Variants in PTCHD4 observed in about 807,000 individuals in gnomAD.
The protein encoded by PTCHD4 is patched domain containing 4.
A neutral mutation model predicts 58.1 loss-of-function variants in PTCHD4; 33 were observed. The observed-to-expected ratio is 0.57, with a 90% confidence interval of 0.43 to 0.76. The LOEUF is 0.76. PTCHD4 is among the 30% of genes least tolerant of loss of function. The pLI, the probability that PTCHD4 is intolerant of heterozygous loss-of-function variation, is 0.00. For synonymous variants in PTCHD4, 478 were observed against 409.6 expected, an observed-to-expected ratio of 1.17 and a Z score of -2.02; for missense variants, 1,058 against 1,027.1, an observed-to-expected ratio of 1.03 and a Z score of -0.41.
At chr6:48,093,172 C>G (rs969164845) in intron 1 of PTCHD4, among the ~76,000 whole-genome samples, 4 of 152,118 alleles carry the variant, frequency 2.6e-5, no homozygotes, top group East Asian at 1.9e-4. Context: ...AGGATTCCTG[C>G]AAGGCACATA....
At chr6:47,921,406 A>G (rs951010182) in intron 4 of PTCHD4, among the ~76,000 whole-genome samples, 2 of 152,062 alleles carry the variant, frequency 1.3e-5, no homozygotes, top group Admixed American at 6.6e-5. Flanking sequence ...TCTATTAAAG[A>G]CTATTAATCT....
intron 3 of PTCHD4, among the ~76,000 whole-genome samples, chr6:48,043,035 G>C (rs960674798): frequency 6.6e-6 from 1 of 151,890 alleles, no homozygotes; most frequent in African/African-American, 2.4e-5. Flanking sequence ...ATTCTGTACA[G>C]AACAGAGAGA....
At position 48,098,345 on chromosome 6, in the gene PTCHD4, T is replaced by TTCTTCTTCTTCTTC. The variant is rs1309210161; in HGVS notation, c.-970+12703_-970+12704insGAAGAAGAAGAAGA. 3.2e-3 allele frequency among the ~76,000 whole-genome samples: 432 copies of TTCTTCTTCTTCTTC among 134,552 alleles called. 5 individuals carry two copies. Among genetic ancestry groups the TTCTTCTTCTTCTTC allele is most frequent in the African/African-American group, 0.012 (407 of 34,366 alleles). 88.3% of individuals were successfully genotyped at this position (134,552 alleles called of 152,430 possible). ...TCTTCTTCTTCTTCTTCTTCTTCTT[T>TTCTTCTTCTTCTTC]TTTTTTTTTTTGAGAGAGAGTCTCG... On this transcript the variant is annotated intron_variant, in intron 1 of 4. Coordinates refer to ENST00000339488, the MANE Select transcript of PTCHD4 (RefSeq NM_001384253.1).
chr6:47,949,139 C>T (rs116661992), intron 4 of PTCHD4, among the ~76,000 whole-genome samples: 1,562 of 152,212 alleles, frequency 0.01, 36 homozygotes, highest in African/African-American at 0.036. Flanking sequence ...GTCAAAGTGA[C>T]GGGGATGGAT....
intron 4 of PTCHD4, among the ~76,000 whole-genome samples, chr6:47,921,074 CAACTGGCT>C (rs1042990998): frequency 2.0e-4 from 30 of 151,990 alleles, no homozygotes; most frequent in Non-Finnish European, 5.9e-5. Flanking sequence ...AAAAGCAAAA[CAACTGGCT>C]AACATTTAAA....
intron 3 of PTCHD4, among the ~76,000 whole-genome samples, chr6:48,026,360 C>A (rs1763246753): frequency 2.0e-5 from 3 of 152,148 alleles, no homozygotes; most frequent in African/African-American, 7.2e-5. Flanking sequence ...TATGTTTTGC[C>A]AGCTTTGTCC....
intron 1 of PTCHD4, among the ~76,000 whole-genome samples, chr6:48,078,805 C>T (rs1765107985): frequency 6.6e-6 from 1 of 152,082 alleles, no homozygotes; most frequent in Non-Finnish European, 1.5e-5. Flanking sequence ...ATATATTTCT[C>T]TCTTAATGTT....
At chr6:47,883,634 T>C (rs1764090184) in intron 4 of PTCHD4, among the ~76,000 whole-genome samples, 1 of 152,158 alleles carries the variant, frequency 6.6e-6, no homozygotes, top group Admixed American at 6.6e-5. Context: ...AAAAGTTTAA[T>C]AAAAGTTTTA....
intron 4 of PTCHD4, among the ~76,000 whole-genome samples, chr6:48,000,942 G>C (rs933501432): frequency 9.2e-5 from 14 of 152,114 alleles, no homozygotes; most frequent in Non-Finnish European, 1.9e-4. Context: ...AAAATCACAA[G>C]CATTCTTATA....
chr6:47,988,227 T>C (rs1768148860), intron 4 of PTCHD4, among the ~76,000 whole-genome samples: 1 of 152,218 alleles, frequency 6.6e-6, no homozygotes, highest in Non-Finnish European at 1.5e-5. Flanking sequence ...TGACTAGATT[T>C]GAAATGTTTT....
At chr6:48,022,787 T>C (rs978866259) in intron 3 of PTCHD4, among the ~76,000 whole-genome samples, 1 of 152,150 alleles carries the variant, frequency 6.6e-6, no homozygotes, top group Non-Finnish European at 1.5e-5. Context: ...ATTTGTAAGG[T>C]ACCTGAATGA....
chr6:48,071,175 A>G (rs1764968563), intron 1 of PTCHD4, among the ~76,000 whole-genome samples: 1 of 152,204 alleles, frequency 6.6e-6, no homozygotes, highest in Non-Finnish European at 1.5e-5. Context: ...CACAACAAAC[A>G]AATATGTCAG....
intron 3 of PTCHD4, among the ~76,000 whole-genome samples, chr6:48,047,951 C>T (rs1582075109): frequency 1.4e-5 from 2 of 146,582 alleles, no homozygotes; most frequent in East Asian, 2.0e-4. Flanking sequence ...TGTAATAGTA[C>T]ACATAAGAAT....
chr6:48,100,744 C>T (rs983802087), intron 1 of PTCHD4, among the ~76,000 whole-genome samples: 5 of 152,200 alleles, frequency 3.3e-5, no homozygotes, highest in African/African-American at 1.2e-4. Flanking sequence ...ACTTTCCTCT[C>T]ATTGTTCTGT....
intron 4 of PTCHD4, among the ~76,000 whole-genome samples, chr6:47,914,735 A>G (rs1157894331): frequency 1.8e-4 from 23 of 128,770 alleles, no homozygotes; most frequent in South Asian, 9.7e-4. Flanking sequence ...TCTATCTATT[A>G]TCTATCTATT....
chr6:47,942,591 G>T (rs1031354792), intron 4 of PTCHD4, among the ~76,000 whole-genome samples: 2 of 152,124 alleles, frequency 1.3e-5, no homozygotes, highest in Non-Finnish European at 1.5e-5. Flanking sequence ...GGAAAATTTG[G>T]TTTAAAAAAG....
chr6:47,957,465 T>C (rs1766907111), intron 4 of PTCHD4, among the ~76,000 whole-genome samples: 1 of 151,114 alleles, frequency 6.6e-6, no homozygotes, highest in Admixed American at 6.6e-5. Flanking sequence ...CGACATATGG[T>C]GCATCTTTTA....
chr6:48,019,444 A>T (rs1010574805), intron 3 of PTCHD4, among the ~76,000 whole-genome samples: 1 of 152,152 alleles, frequency 6.6e-6, no homozygotes, highest in African/African-American at 2.4e-5. Context: ...TTTTAAAAAA[A>T]TATAAGTACT....
At chr6:47,897,696 G>C (rs548639057) in intron 4 of PTCHD4, among the ~76,000 whole-genome samples, 3 of 152,124 alleles carry the variant, frequency 2.0e-5, no homozygotes, top group Admixed American at 6.5e-5. Flanking sequence ...GCAACACTGT[G>C]CTTTTATTTA....
Sources: gnomAD v4.1 joint callset for allele counts (sites outside exome capture counted in the v4.1 genomes callset) on GRCh38, gnomAD v4.1.1 for gene constraint, MANE v1.5 for transcripts, NCBI Gene and HGNC (gene_info 2026-07-23, HGNC 2026-07-21) for gene names.